SBF2: variants seen among roughly 807,000 people sequenced by gnomAD.
SBF2 encodes the protein SET binding factor 2, also known as myotubularin-related protein 13.
Under a neutral mutation model 225.2 loss-of-function variants are expected in SBF2, and 112 were observed. The observed-to-expected ratio is 0.50, with a 90% CI of 0.43 to 0.58. The LOEUF is 0.58. Among genes scored for constraint, SBF2 ranks in the 20% least tolerant of loss-of-function variants. The pLI, the probability that SBF2 is intolerant of heterozygous loss-of-function variation, is 0.00. For missense variants in SBF2, 1,996 were observed against 2,206.2 expected, an observed-to-expected ratio of 0.90 and a Z score of 1.91; for synonymous variants, 763 against 773.3, an observed-to-expected ratio of 0.99 and a Z score of 0.22.
chr11:9,873,434 C>A (rs1858951064), intron 17 of SBF2, among the ~76,000 whole-genome samples: 1 of 152,112 alleles, frequency 6.6e-6, no homozygotes. Context: ...AGCTCTAGCA[C>A]ATGAAAGTAA....
At chr11:9,817,092 G>T in intron 28 of SBF2, 68 bp from the exon 29 acceptor site, 2 of 1,547,636 alleles carry the variant, frequency 1.3e-6, no homozygotes, top group Non-Finnish European at 1.8e-6. Context: ...AAGGAAAAAG[G>T]TGCATGCTCT....
chr11:10,007,537 G>A (rs533781895), intron 6 of SBF2, among the ~76,000 whole-genome samples: 1 of 152,240 alleles, frequency 6.6e-6, no homozygotes, highest in African/African-American at 2.4e-5. Flanking sequence ...CCTATGTACA[G>A]GCCTTCATAG....
At chr11:10,164,565 G>A (rs16907519) in intron 2 of SBF2, among the ~76,000 whole-genome samples, 11,335 of 152,154 alleles carry the variant, frequency 0.074, 607 homozygotes, top group East Asian at 0.29. Flanking sequence ...GGAGTGGGGC[G>A]CTCTTAGTTC....
intron 13 of SBF2, among the ~76,000 whole-genome samples, chr11:9,980,026 G>C (rs1360552483): frequency 3.3e-5 from 5 of 151,328 alleles, no homozygotes; most frequent in Non-Finnish European, 2.9e-5. Flanking sequence ...CTGTCATCTA[G>C]GCTGGATGCA....
intron 16 of SBF2, among the ~76,000 whole-genome samples, chr11:9,896,562 C>T (rs1312582624): frequency 2.0e-5 from 3 of 152,036 alleles, no homozygotes; most frequent in Non-Finnish European, 4.4e-5. Context: ...GAGGCTGAGG[C>T]GGGCAGATCA....
chr11:10,098,380 G>A lies in SBF2; in HGVS notation c.142-55399C>T, dbSNP rs184305877. On this transcript the variant is annotated intron_variant, in intron 2 of 39. Coordinates refer to ENST00000256190, the MANE Select transcript of SBF2 (RefSeq NM_030962.4). ...CCAGAATCCCCACCTCAGCTGACTG[G>A]TGAAGTCTTTTCTCCTGAAGCCAGT... 2.6e-5 allele frequency among the ~76,000 whole-genome samples: 4 copies of A among 151,782 alleles called. No individual in the cohort carries two copies. The East Asian group carries it at 7.8e-4, about 29-fold the overall frequency.
At chr11:10,159,718 G>A (rs1009893897) in intron 2 of SBF2, among the ~76,000 whole-genome samples, 16 of 152,070 alleles carry the variant, frequency 1.1e-4, no homozygotes, top group African/African-American at 2.4e-5. Flanking sequence ...GTGAAACCCC[G>A]TCTCTACTAA....
At chr11:9,985,712 C>G (rs752324565) in intron 13 of SBF2, among the ~76,000 whole-genome samples, 1 of 152,122 alleles carries the variant, frequency 6.6e-6, no homozygotes, top group Non-Finnish European at 1.5e-5. Context: ...GGTAAAAGGC[C>G]TTCTCCAGCA....
chr11:9,837,250 AC>A (rs1855785995), intron 26 of SBF2, among the ~76,000 whole-genome samples: 1 of 152,170 alleles, frequency 6.6e-6, no homozygotes. Context: ...TTAAGGAGCT[AC>A]CCACTGTTCC....
chr11:9,817,457 A>G (rs1273953619), intron 28 of SBF2, among the ~76,000 whole-genome samples: 1 of 152,220 alleles, frequency 6.6e-6, no homozygotes, highest in East Asian at 1.9e-4. Flanking sequence ...TATTTGGTCA[A>G]TTTAACATGA....
rs771396546 is a variant in SBF2 at position 9,845,866 on chromosome 11, C to A, written c.2935-126G>T. The A allele has an allele frequency of 1.5e-4, 125 of 815,940 alleles. 1 individual carries two copies. The Middle Eastern group carries it at 2.5e-3, about 16-fold the overall frequency. 50.5% of individuals were successfully genotyped at this position (815,940 alleles called of 1,614,324 possible). On this transcript the variant is annotated intron_variant, in intron 23 of 39. Coordinates refer to ENST00000256190, the MANE Select transcript of SBF2 (RefSeq NM_030962.4). ...GGTCAAAGGGACTTTGGATAACATG[C>A]AATACAATTTTTAAATTTTTAAAAA...
chr11:9,851,917 A>C (rs186686162), intron 21 of SBF2, among the ~76,000 whole-genome samples: 2 of 152,244 alleles, frequency 1.3e-5, no homozygotes, highest in Admixed American at 6.5e-5. Flanking sequence ...ACTACAGATA[A>C]CACCACCACG....
At chr11:10,162,379 A>C (rs960849406) in intron 2 of SBF2, among the ~76,000 whole-genome samples, 3 of 152,178 alleles carry the variant, frequency 2.0e-5, no homozygotes, top group Admixed American at 2.0e-4. Flanking sequence ...AATATAACCA[A>C]GAGTGAAAAG....
At chr11:9,798,543 C>A (rs980488805) in intron 32 of SBF2, among the ~76,000 whole-genome samples, 23 of 152,212 alleles carry the variant, frequency 1.5e-4, no homozygotes, top group African/African-American at 5.3e-4. Flanking sequence ...TTGGGATAAA[C>A]CTTCAGTAGT....
chr11:9,998,279 G>A lies in SBF2; in HGVS notation c.962C>T (p.Ser321Leu). 1 of 1,579,010 alleles carries A rather than the reference G, an allele frequency of 6.3e-7. No homozygotes were observed. Among genetic ancestry groups the A allele is most frequent in the Non-Finnish European group, 8.7e-7 (1 of 1,148,452 alleles). The change falls in exon 9 of 40, where the codon TCA becomes TTA. Residue 321 changes from serine (S) to leucine (L), a missense_variant. Physicochemically the swap from Ser to Leu is moderately radical, Grantham distance 145. Coordinates refer to ENST00000256190, the MANE Select transcript of SBF2 (RefSeq NM_030962.4). Reference sequence around the variant, plus strand: ...AATATGTCATACCAAAGAAAGAGCTGATTGAGTCTGATGTAGAAGTGGTTC... The same window carrying A: ...AATATGTCATACCAAAGAAAGAGCTAATTGAGTCTGATGTAGAAGTGGTTC... ...LPEPLLHQTQ[S>L]ALSLILHPDL...
intron 16 of SBF2, among the ~76,000 whole-genome samples, chr11:9,938,765 T>TG (rs1191934086): frequency 1.3e-5 from 2 of 152,034 alleles, no homozygotes; most frequent in Non-Finnish European, 2.9e-5. Context: ...ATAAGAATCT[T>TG]GCAAGAAAAT....
chr11:10,036,487 C>A (rs1374377341), intron 3 of SBF2, among the ~76,000 whole-genome samples: 1 of 152,082 alleles, frequency 6.6e-6, no homozygotes, highest in Non-Finnish European at 1.5e-5. Context: ...TAAAGTATAT[C>A]TGCTATGAAC....
intron 1 of SBF2, among the ~76,000 whole-genome samples, chr11:10,279,224 C>T (rs779020508): frequency 3.3e-5 from 5 of 151,286 alleles, no homozygotes; most frequent in African/African-American, 7.3e-5. Flanking sequence ...CCAACCTGGC[C>T]AACATGGTGA....
rs77748980 is a variant in SBF2 at position 10,280,823 on chromosome 11, A to T, written c.55+13192T>A. 3.8e-3 allele frequency among the ~76,000 whole-genome samples: 570 copies of T among 151,728 alleles called. 16 individuals are homozygous for T. The East Asian group carries it at 0.051, about 14-fold the overall frequency. ...AATAGCTGTGTAACTACTCACAGGTAACAACTGGGGATTGGGGGTGGGGGA... is the reference window on the plus strand; with the variant it reads ...AATAGCTGTGTAACTACTCACAGGTTACAACTGGGGATTGGGGGTGGGGGA... On this transcript the variant is annotated intron_variant, in intron 1 of 39. Transcript: ENST00000256190.
Sources: gnomAD v4.1 joint callset for allele counts (sites outside exome capture counted in the v4.1 genomes callset) on GRCh38, gnomAD v4.1.1 for gene constraint, MANE v1.5 for transcripts, NCBI Gene and HGNC (gene_info 2026-07-23, HGNC 2026-07-21) for gene names.